CARS2: variants seen among roughly 807,000 people sequenced by gnomAD.
The protein encoded by CARS2 is cysteinyl-tRNA synthetase 2, mitochondrial.
Under a neutral mutation model 68.8 loss-of-function variants are expected in CARS2, and 52 were observed. The ratio of observed to expected loss-of-function variants is 0.76; its 90% CI spans 0.61 to 0.95. The LOEUF is 0.95. Ranked by LOEUF, CARS2 falls within the 40% of genes least tolerant of loss-of-function variation. The pLI is 0.00. For missense variants in CARS2, 780 were observed against 754.2 expected, an observed-to-expected ratio of 1.03 and a Z score of -0.40; for synonymous variants, 314 against 303.6, an observed-to-expected ratio of 1.03 and a Z score of -0.36.
chr13:110,649,771 C>A (rs2062151146), intron 10 of CARS2, among the ~76,000 whole-genome samples: 1 of 151,938 alleles, frequency 6.6e-6, no homozygotes, highest in South Asian at 2.1e-4. Context: ...CCTCGCTCAC[C>A]AGGAAGGAAC....
At chr13:110,667,519 A>G (rs1445424361) in intron 7 of CARS2, 46 bp from the exon 8 acceptor site, 1 of 1,590,070 alleles carries the variant, frequency 6.3e-7, no homozygotes, top group East Asian at 2.3e-5. Context: ...ATCAAGCAAC[A>G]TATTTTCTTC....
At chr13:110,677,246 A>T (rs1227970460) in intron 6 of CARS2, 143 bp from the exon 7 acceptor site, 2 of 419,604 alleles carry the variant, frequency 4.8e-6, no homozygotes, top group Non-Finnish European at 7.2e-6. Context: ...GGAAACCCAG[A>T]CAGTCACCCC....
rs554876801 is a variant in CARS2, at chr13:110,685,170, A to C, written c.572-2036T>G. Among the ~76,000 whole-genome samples, 8 of 152,218 alleles carry C rather than the reference A, an allele frequency of 5.3e-5. No homozygotes were observed. The East Asian group carries it at 9.7e-4, about 18-fold the overall frequency. On this transcript the variant is annotated intron_variant, in intron 5 of 14. Transcript: ENST00000257347. ...TGTTTTCTGGTGCAAACTCTAATTC[A>C]ACCACCTAAGTCCTTTAAAAAAAGT...
In CARS2 at chr13:110,705,495, T is replaced by G. The variant is rs751005106; in HGVS notation, c.275+26A>C. On this transcript the variant is annotated intron_variant, in intron 2 of 14. Coordinates refer to ENST00000257347, the MANE Select transcript of CARS2 (RefSeq NM_024537.4). The surrounding 1 kb of genome is among the most constrained non-coding windows in gnomAD (Gnocchi z 4.0). ...CAAAAATAAATGGTCCTTTGAAGTA[T>G]GAAAATTCAAATCCAGGAAACTCAC... The G allele has an allele frequency of 4.5e-6, 7 of 1,555,398 alleles. No individual in the cohort carries two copies. The highest frequency in any genetic ancestry group is 6.1e-6 in the Non-Finnish European group (7 of 1,144,784).
chr13:110,646,220 C>A, intron 11 of CARS2, 130 bp from the exon 12 acceptor site: 1 of 1,077,764 alleles, frequency 9.3e-7, no homozygotes, highest in East Asian at 2.6e-5. Context: ...GTCATATTCC[C>A]AAAGACTTGA....
At chr13:110,684,648 G>A (rs1363481853) in intron 5 of CARS2, among the ~76,000 whole-genome samples, 1 of 150,720 alleles carries the variant, frequency 6.6e-6, no homozygotes, top group Non-Finnish European at 1.5e-5. Context: ...ATTCAGGGTT[G>A]ACCATTAAGC....
intron 10 of CARS2, chr13:110,650,395 G>A (rs1211491250): frequency 6.6e-6 from 1 of 152,176 alleles, no homozygotes; most frequent in Non-Finnish European, 1.5e-5. Flanking sequence ...ATCGTGCCAG[G>A]CCTTTTGTAT....
At chr13:110,707,764 T>C (rs760270489), upstream of CARS2, 6 of 152,206 alleles carry the variant, frequency 3.9e-5, no homozygotes, top group Non-Finnish European at 8.8e-5. Context: ...TTTTTTGTTG[T>C]TGTTTTTAGT....
chr13:110,646,006 A>C lies in CARS2; in HGVS notation c.1278T>G (p.Leu426=), dbSNP rs1213717785. 3.1e-6 allele frequency: 5 copies of C among 1,613,786 alleles called. No homozygotes were observed. The East Asian group carries it at 1.1e-4, about 36-fold the overall frequency. ...TPRVVDAILG[L]AHHGNGQLRA... is the part of the protein sequence containing the mutation. ...TGAGCTGTCCATTCCCGTGGTGTGCAAGGCCCAGGATGGCATCAACCACCC... is the reference window on the plus strand; with the variant it reads ...TGAGCTGTCCATTCCCGTGGTGTGCCAGGCCCAGGATGGCATCAACCACCC... The change falls in exon 12 of 15, where the codon CTT becomes CTG. Residue 426 remains leucine, a synonymous_variant. Coordinates refer to ENST00000257347, the MANE Select transcript of CARS2 (RefSeq NM_024537.4).
intron 3 of CARS2, among the ~76,000 whole-genome samples, chr13:110,694,100 T>C (rs1007171178): frequency 4.6e-5 from 7 of 151,996 alleles, no homozygotes; most frequent in East Asian, 2.0e-4. Context: ...CGATCTCAGC[T>C]CACCGCAACC....
chr13:110,684,026 TCA>T (rs960583621), intron 5 of CARS2, among the ~76,000 whole-genome samples: 36 of 152,172 alleles, frequency 2.4e-4, no homozygotes, highest in Admixed American at 5.9e-4. Flanking sequence ...GAGGAGGCAC[TCA>T]GAGTGGGAGC....
Position 110,705,590 on chromosome 13 carries a change from T to G in CARS2, c.225-19A>C, listed in dbSNP as rs45518835. ...GCTATACCTGGAAACAAAGTTAAAATCCATCGTGTGGAACATATTTGCAAG... is the reference window on the plus strand; with the variant it reads ...GCTATACCTGGAAACAAAGTTAAAAGCCATCGTGTGGAACATATTTGCAAG... On this transcript the variant is annotated intron_variant, in intron 1 of 14. Transcript: ENST00000257347. The surrounding 1 kb of genome is among the most constrained non-coding windows in gnomAD (Gnocchi z 4.0). 3.0e-5 allele frequency: 48 copies of G among 1,608,192 alleles called. No homozygotes were observed. The highest frequency in any genetic ancestry group is 4.1e-5 in the Non-Finnish European group (48 of 1,174,608).
Position 110,641,582 on chromosome 13 carries a change from C to A in CARS2, c.1650G>T (p.Trp550Cys), listed in dbSNP as rs1162839265. ...CTTTTGTCCTTTGATCCAGCAGTTC[C>A]CACGTGGATGTTGTACTGCTTCTGT... ...IKDRSSTTSTWELLDQRTKDQ... is the reference protein window; with the variant it reads ...IKDRSSTTSTCELLDQRTKDQ... Residue 550 changes from tryptophan to cysteine, a missense_variant, in exon 15 of 15, where the codon TGG becomes TGT. Transcript: ENST00000257347. 1 of 1,614,044 alleles carries A rather than the reference C, an allele frequency of 6.2e-7. No homozygotes were observed. Among genetic ancestry groups the A allele is most frequent in the Non-Finnish European group, 8.5e-7 (1 of 1,179,924 alleles).
chr13:110,684,792 G>A (rs1228671176), intron 5 of CARS2, among the ~76,000 whole-genome samples: 1 of 151,942 alleles, frequency 6.6e-6, no homozygotes, highest in Non-Finnish European at 1.5e-5. Context: ...CCCTTAAATG[G>A]TGGAAACATT....
intron 2 of CARS2, among the ~76,000 whole-genome samples, chr13:110,702,778 C>T (rs1488760509): frequency 6.6e-6 from 1 of 152,162 alleles, no homozygotes; most frequent in African/African-American, 2.4e-5. Context: ...ACACACACGC[C>T]TTGCAAGTGC....
chr13:110,646,044 A>AGTC lies in CARS2; in HGVS notation c.1239_1240insGAC (p.Asp413dup), dbSNP rs1888068817. ...GCATCAACCACCCTGGGTGTGTCAA[A>AGTC]ATCATCTGCCAAGGCCGCCTTCACG... On this transcript the variant is annotated inframe_insertion, in exon 12 of 15. Transcript: ENST00000257347. 1 of 1,613,828 alleles carries AGTC rather than the reference A, an allele frequency of 6.2e-7. No homozygotes were observed. Among genetic ancestry groups the AGTC allele is most frequent in the African/African-American group, 1.3e-5 (1 of 74,902 alleles).
In CARS2 at chr13:110,676,852, CA is replaced by C. The variant is rs3215828; in HGVS notation, c.785+121del. 0.15 allele frequency: 198,985 copies of C among 1,308,058 alleles called. 16,933 individuals are homozygous for C. Among genetic ancestry groups the C allele is most frequent in the Admixed American group, 0.33 (11,953 of 36,522 alleles). 81.0% of individuals were successfully genotyped at this position (1,308,058 alleles called of 1,614,324 possible). On this transcript the variant is annotated intron_variant, in intron 7 of 14. Coordinates refer to ENST00000257347, the MANE Select transcript of CARS2 (RefSeq NM_024537.4). This position sits in a 1 kb window ranked among gnomAD's most constrained non-coding sequence, Gnocchi z 4.0. ...TCACACTCCGGCAAAAATCTCTTCCCAAAAAATCACCCATGGGCACACGTGC... is the reference window on the plus strand; with the variant it reads ...TCACACTCCGGCAAAAATCTCTTCCCAAAAATCACCCATGGGCACACGTGC...
In CARS2 at chr13:110,665,558, G is replaced by C; in HGVS notation, c.919+1782C>G. 1 of 985,442 alleles carries C rather than the reference G, an allele frequency of 1.0e-6. No homozygotes were observed. The highest frequency in any genetic ancestry group is 1.2e-6 in the Non-Finnish European group (1 of 829,972). 61.0% of individuals were successfully genotyped at this position (985,442 alleles called of 1,614,324 possible). On this transcript the variant is annotated intron_variant, in intron 8 of 14. Coordinates refer to ENST00000257347, the MANE Select transcript of CARS2 (RefSeq NM_024537.4). This position sits in a 1 kb window ranked among gnomAD's most constrained non-coding sequence, Gnocchi z 4.3. ...AGGACGAAGCGTTGGCACAGCTAAG[G>C]CTGCCCTTCTTGCCCCCCAGCTCCA...
intron 7 of CARS2, among the ~76,000 whole-genome samples, chr13:110,671,177 A>G (rs929953374): frequency 2.0e-5 from 3 of 152,224 alleles, no homozygotes; most frequent in Non-Finnish European, 4.4e-5. Context: ...CAACCTGACA[A>G]GGCAGGCCAA....
Sources: gnomAD v4.1 joint callset for allele counts (sites outside exome capture counted in the v4.1 genomes callset) on GRCh38, gnomAD v4.1.1 for gene constraint, Gnocchi (gnomAD v3.1) non-coding constraint, MANE v1.5 for transcripts, NCBI Gene and HGNC (gene_info 2026-07-23, HGNC 2026-07-21) for gene names.